The following ARHGAP6 variants were observed in gnomAD, a reference collection of about 807,000 sequenced individuals.
The protein encoded by ARHGAP6 is Rho GTPase activating protein 6, also known as rho GTPase-activating protein 6.
A neutral mutation model predicts 55.7 loss-of-function variants in ARHGAP6; 16 were observed. That is an observed-to-expected ratio of 0.29 (90% CI 0.19 to 0.44). The LOEUF (loss-of-function observed/expected upper bound fraction) is 0.44. Ranked by LOEUF, ARHGAP6 falls within the 20% of genes least tolerant of loss-of-function variation. The probability of loss-of-function intolerance (pLI) is 1.00; values close to 1 mark genes in which losing one functional copy is unlikely to be tolerated. For synonymous variants in ARHGAP6, 382 were observed against 360.9 expected (o/e 1.06, Z -0.66); for missense variants, 698 against 808.9 (o/e 0.86, Z 1.66).
chrX:11,411,206 T>TATATATATATATATATAC (rs2049680328), intron 1 of ARHGAP6, among the ~76,000 whole-genome samples: 1 of 79,362 alleles, frequency 1.3e-5, no homozygotes, highest in Non-Finnish European at 2.3e-5. Context: ...TATATATATA[T>TATATATATATATATATAC]ATATATATAT....
intron 1 of ARHGAP6, among the ~76,000 whole-genome samples, chrX:11,499,600 A>C (rs111992794): frequency 0.09 from 10,041 of 111,597 alleles, 514 homozygotes; most frequent in East Asian, 0.18. Context: ...CCAAAGAGCA[A>C]AGGTTTCTCC....
chrX:11,178,528 C>T (rs1206386571), intron 7 of ARHGAP6, among the ~76,000 whole-genome samples: 1 of 110,927 alleles, frequency 9.0e-6, no homozygotes, highest in Non-Finnish European at 1.9e-5. Flanking sequence ...TTTCTTCTCC[C>T]CCCTTCCCTG....
At chrX:11,432,456 G>A (rs924294046) in intron 1 of ARHGAP6, among the ~76,000 whole-genome samples, 1 of 111,838 alleles carries the variant, frequency 8.9e-6, no homozygotes, top group African/African-American at 3.3e-5. Context: ...TTTTTATAGG[G>A]TCCAAACCCA....
intron 1 of ARHGAP6, among the ~76,000 whole-genome samples, chrX:11,634,362 T>C (rs770189580): frequency 5.3e-5 from 6 of 112,187 alleles, no homozygotes; most frequent in Admixed American, 2.8e-4. Flanking sequence ...CCAAGGTACA[T>C]TGAAATACTC....
At chrX:11,268,185 CAT>C (rs747105866) in intron 1 of ARHGAP6, among the ~76,000 whole-genome samples, 2 of 111,831 alleles carry the variant, frequency 1.8e-5, no homozygotes, top group Non-Finnish European at 3.8e-5. Context: ...GCAAAAATAT[CAT>C]AGAATCACTG....
chrX:11,487,521 A>C (rs958842237), intron 1 of ARHGAP6, among the ~76,000 whole-genome samples: 1 of 112,500 alleles, frequency 8.9e-6, no homozygotes, highest in African/African-American at 3.2e-5. Context: ...ATGCCCAGTT[A>C]AACTTGAATT....
chrX:11,427,398 G>T, intron 1 of ARHGAP6: 1 of 695,792 alleles, frequency 1.4e-6, no homozygotes, highest in Non-Finnish European at 1.8e-6. Flanking sequence ...TTAGTGAGCA[G>T]GTGGCACTTC....
intron 1 of ARHGAP6, among the ~76,000 whole-genome samples, chrX:11,487,984 T>C (rs1466303229): frequency 8.9e-6 from 1 of 112,312 alleles, no homozygotes; most frequent in Admixed American, 9.4e-5. Flanking sequence ...GATATTCATA[T>C]CAAAAACATA....
At chrX:11,169,714 G>A in intron 8 of ARHGAP6, 30 bp from the exon 9 acceptor site, 1 of 1,055,507 alleles carries the variant, frequency 9.5e-7, no homozygotes, top group Non-Finnish European at 1.3e-6. Context: ...AAGGACTGTT[G>A]TTATGTTTGC....
chrX:11,274,782 C>A (rs1166803392), intron 1 of ARHGAP6, among the ~76,000 whole-genome samples: 1 of 110,966 alleles, frequency 9.0e-6, no homozygotes, highest in African/African-American at 3.3e-5. Flanking sequence ...CTCCCTCCCC[C>A]AACCCCACCA....
At chrX:11,446,382 C>T (rs2050092318) in intron 1 of ARHGAP6, among the ~76,000 whole-genome samples, 1 of 111,762 alleles carries the variant, frequency 8.9e-6, no homozygotes, top group East Asian at 2.8e-4. Context: ...AAATTGATAA[C>T]CAGCCATGAT....
At chrX:11,275,743 C>T (rs981811711) in intron 1 of ARHGAP6, among the ~76,000 whole-genome samples, 1 of 111,683 alleles carries the variant, frequency 9.0e-6, no homozygotes, top group Non-Finnish European at 1.9e-5. Flanking sequence ...GCCTCACTTA[C>T]TTCACATCCC....
At chrX:11,393,073 A>G (rs2049429417) in intron 1 of ARHGAP6, among the ~76,000 whole-genome samples, 1 of 111,701 alleles carries the variant, frequency 9.0e-6, no homozygotes, top group Admixed American at 9.5e-5. Flanking sequence ...GTATTTATAA[A>G]GCAGTATTAT....
At chrX:11,386,379 T>C (rs374461440) in intron 1 of ARHGAP6, among the ~76,000 whole-genome samples, 5 of 112,428 alleles carry the variant, frequency 4.4e-5, no homozygotes, top group African/African-American at 1.6e-4. Flanking sequence ...CAATATTACT[T>C]AGAAGTCCAA....
intron 1 of ARHGAP6, among the ~76,000 whole-genome samples, chrX:11,481,825 T>C (rs1042565702): frequency 1.8e-5 from 2 of 112,375 alleles, no homozygotes; most frequent in Non-Finnish European, 3.8e-5. Context: ...TAATGGCAGG[T>C]AAATGTGAGA....
In ARHGAP6 at chrX:11,140,434, A is replaced by T. The variant is rs866934419; in HGVS notation, c.2258-904T>A. ...CTCCGTCACAAAAAAAAAAAAAAAA[A>T]TTAAAAAAAAAAAACTAAACGAATG... On this transcript the variant is annotated intron_variant, in intron 12 of 12. Transcript: ENST00000337414. Among the ~76,000 whole-genome samples, 234 of 74,163 alleles carry T rather than the reference A, an allele frequency of 3.2e-3. 1 individual carries two copies. The highest frequency in any genetic ancestry group is 0.013 in the South Asian group (24 of 1,918). 64.4% of individuals were successfully genotyped at this position (74,163 alleles called of 115,157 possible). A position where few individuals can be genotyped will look rare whatever the true frequency, so the allele number is the denominator to read the frequency against.
rs868433771 is a variant in ARHGAP6 at position 11,522,549 on chromosome X, G to A, written c.588+141692C>T. On this transcript the variant is annotated intron_variant, in intron 1 of 12. Transcript: ENST00000337414. The stretch of plus-strand genomic sequence containing the variant: ...ATAGACGCAATAAAAAATGATAAAG[G>A]GGATATCACCACCGATCCCACAGAA... Among the ~76,000 whole-genome samples the A allele has an allele frequency of 7.9e-4, 87 of 110,700 alleles. 1 individual carries two copies. The highest frequency in any genetic ancestry group is 1.4e-3 in the Non-Finnish European group (75 of 52,824).
At chrX:11,545,956 G>A (rs754189604) in intron 1 of ARHGAP6, among the ~76,000 whole-genome samples, 2 of 110,872 alleles carry the variant, frequency 1.8e-5, no homozygotes, top group East Asian at 5.6e-4. Context: ...ATGCAAGAAC[G>A]GAGCCGCTGT....
chrX:11,456,822 G>A (rs772949627), intron 1 of ARHGAP6, among the ~76,000 whole-genome samples: 5 of 112,243 alleles, frequency 4.5e-5, no homozygotes, highest in African/African-American at 1.6e-4. Context: ...TTACAAAATA[G>A]AAAACGTGTC....
Sources: allele counts gnomAD v4.1 joint callset (sites outside exome capture counted in the v4.1 genomes callset), GRCh38; gene constraint gnomAD v4.1.1; transcripts MANE v1.5; gene names NCBI Gene and HGNC (gene_info 2026-07-23, HGNC 2026-07-21).